NAA15: variants seen among roughly 807,000 people sequenced by gnomAD.
NAA15 encodes the protein N-terminal acetyltransferase.
Under a neutral mutation model 114.0 loss-of-function variants are expected in NAA15, and 34 were observed. That is an observed-to-expected ratio of 0.30 (90% CI 0.23 to 0.40). The LOEUF (loss-of-function observed/expected upper bound fraction) is 0.40, where lower values mean the gene tolerates loss of function less well. NAA15 is among the 10% of genes least tolerant of loss of function. NAA15 has a pLI of 1.00. For synonymous variants in NAA15, 340 were observed against 338.0 expected, an observed-to-expected ratio of 1.01 and a Z score of -0.06; for missense variants, 658 against 1,004.5, an observed-to-expected ratio of 0.66 and a Z score of 4.66.
intron 1 of NAA15, among the ~76,000 whole-genome samples, chr4:139,318,896 A>G (rs1746506541): frequency 6.6e-6 from 1 of 152,186 alleles, no homozygotes; most frequent in Non-Finnish European, 1.5e-5. Context: ...CAGCTAAAAG[A>G]ACAAAGCTGT....
chr4:139,359,942 C>G, intron 12 of NAA15, 47 bp downstream of exon 12: 1 of 1,496,202 alleles, frequency 6.7e-7, no homozygotes, highest in Non-Finnish European at 8.9e-7. Flanking sequence ...AGACATGAGC[C>G]AGTTCATACT....
intron 1 of NAA15, among the ~76,000 whole-genome samples, chr4:139,309,339 A>C (rs1746135488): frequency 6.6e-6 from 1 of 150,562 alleles, no homozygotes; most frequent in Non-Finnish European, 1.5e-5. Context: ...CAAGAGTGAA[A>C]CTTCGTCTCA....
intron 10 of NAA15, among the ~76,000 whole-genome samples, chr4:139,355,898 A>G (rs1207030705): frequency 6.6e-6 from 1 of 152,166 alleles, no homozygotes; most frequent in Non-Finnish European, 1.5e-5. Flanking sequence ...ATTATTCTTT[A>G]TTATTTTAAA....
At position 139,370,224 on chromosome 4, in the gene NAA15, C is replaced by G; in HGVS notation, c.1767C>G (p.Asp589Glu). The G allele has an allele frequency of 1.3e-6, 2 of 1,529,210 alleles. No homozygotes were observed. Among genetic ancestry groups the G allele is most frequent in the Non-Finnish European group, 1.7e-6 (2 of 1,144,738 alleles). The allele number at this position is 1,529,210 out of a possible 1,614,324, so 94.7% of individuals were successfully genotyped here. The stretch of plus-strand genomic sequence containing the variant: ...TATTGCCTGCAGCAAACATGTCTGA[C>G]AAAGAGCTAAAGAAGCTACGTAATA... ...EHEADTANMS[D>E]KELKKLRNKQ... Residue 589 changes from aspartate (D) to glutamate (E), a missense_variant, in exon 15 of 20, where the codon GAC (aspartate) becomes GAG (glutamate). Physicochemically the swap from Asp to Glu is conservative, Grantham distance 45. This residue lies in a region of NAA15 where 275 missense variants were observed against 371.1 expected (regional missense o/e 0.74). Coordinates refer to ENST00000296543, the MANE Select transcript of NAA15 (RefSeq NM_057175.5).
chr4:139,357,491 A>G lies in NAA15; in HGVS notation c.1193A>G (p.Asn398Ser). The change falls in exon 11 of 20, where the codon AAT (asparagine) becomes AGT (serine). Residue 398 changes from asparagine to serine, a missense_variant. Transcript: ENST00000296543. ...GQPSIALEYINTAIESTPTLI... is the reference protein window; with the variant it reads ...GQPSIALEYISTAIESTPTLI... The stretch of plus-strand genomic sequence containing the variant: ...CCATCTATTGCTTTGGAGTACATAA[A>G]TACTGCTATTGAAAGTACACCTACA... The G allele has an allele frequency of 1.2e-6, 2 of 1,612,842 alleles. No homozygotes were observed.
chr4:139,351,241 C>G lies in NAA15; in HGVS notation c.862C>G (p.Pro288Ala), dbSNP rs1444430217. ...TTATGAGGAAGCCTGGACTAAATATCCCAGGGGACTGGTGCCAAGAAGGCT... is the reference window on the plus strand; with the variant it reads ...TTATGAGGAAGCCTGGACTAAATATGCCAGGGGACTGGTGCCAAGAAGGCT... ...KIYEEAWTKY[P>A]RGLVPRRLPL... Residue 288 changes from proline to alanine, a missense_variant, in exon 8 of 20, where the codon CCC becomes GCC. Pro to Ala is a conservative substitution (Grantham distance 27). Around this residue, in one of 6 missense-constraint regions of NAA15, gnomAD observed 281 missense variants for 389.1 expected, o/e 0.72. Transcript: ENST00000296543. 1 of 1,609,852 alleles carries G rather than the reference C, an allele frequency of 6.2e-7. No homozygotes were observed. The highest frequency in any genetic ancestry group is 2.2e-5 in the East Asian group (1 of 44,766).
At chr4:139,344,371 T>A (rs1271004811) in intron 6 of NAA15, 32 bp downstream of exon 6, 1 of 1,568,332 alleles carries the variant, frequency 6.4e-7, no homozygotes, top group East Asian at 2.3e-5. Context: ...TTTATTCTAA[T>A]ATTGAAATAT....
At chr4:139,377,379 A>C (rs1414605526) in intron 16 of NAA15, among the ~76,000 whole-genome samples, 1 of 152,160 alleles carries the variant, frequency 6.6e-6, no homozygotes, top group Non-Finnish European at 1.5e-5. Context: ...TCTACTAAAA[A>C]TACAAAAAAT....
At chr4:139,304,178 G>A (rs1340335524) in intron 1 of NAA15, among the ~76,000 whole-genome samples, 1 of 152,232 alleles carries the variant, frequency 6.6e-6, no homozygotes, top group Non-Finnish European at 1.5e-5. Flanking sequence ...TCGGCCTTCC[G>A]AAGTGCTGCT....
chr4:139,388,789 A>C lies in NAA15; in HGVS notation c.*705A>C, dbSNP rs1018018397. ...GTTGTAACAGTCTCAATTTTAACTA[A>C]AACTTGAAGAACTAAAACAACAATG... On this transcript the variant is annotated 3_prime_UTR_variant, in exon 20 of 20. Coordinates refer to ENST00000296543, the MANE Select transcript of NAA15 (RefSeq NM_057175.5). 2.6e-5 allele frequency: 4 copies of C among 152,636 alleles called. No homozygotes were observed. The highest frequency in any genetic ancestry group is 5.9e-5 in the Non-Finnish European group (4 of 68,038). 9.5% of individuals were successfully genotyped at this position (152,636 alleles called of 1,614,324 possible).
In NAA15 at chr4:139,389,838, A is replaced by G. The variant is rs1579145969; in HGVS notation, c.*1754A>G. ...TCATAGTACATGACCTGCATTCCAC[A>G]TCTCAGTCTAACAGTTTAGTAGTGA... is the stretch of plus-strand genomic sequence containing the variant. On this transcript the variant is annotated 3_prime_UTR_variant, in exon 20 of 20. Transcript: ENST00000296543. The G allele has an allele frequency of 6.6e-6, 1 of 152,658 alleles. No homozygotes were observed. Among genetic ancestry groups the G allele is most frequent in the East Asian group, 1.9e-4 (1 of 5,202 alleles). 9.5% of individuals were successfully genotyped at this position (152,658 alleles called of 1,614,324 possible). A position where few individuals can be genotyped will look rare whatever the true frequency, so the allele number is the denominator to read the frequency against.
chr4:139,331,579 T>TG, intron 1 of NAA15, among the ~76,000 whole-genome samples: 1 of 151,480 alleles, frequency 6.6e-6, no homozygotes. Flanking sequence ...CCCAAGTAGC[T>TG]GGGATTACAG....
Position 139,357,413 on chromosome 4 carries a change from C to T in NAA15, c.1115C>T (p.Thr372Ile). The change falls in exon 11 of 20, where the codon ACA (threonine) becomes ATA (isoleucine). Residue 372 changes from threonine (T) to isoleucine (I), a missense_variant. Physicochemically the swap from Thr to Ile is moderately conservative, Grantham distance 89 (BLOSUM62 -1). Transcript: ENST00000296543. Reference sequence around the variant, plus strand: ...GATGGAAAGGAGGAACCACCAACCACATTACTTTGGGTCCAGTACTACTTG... The same window carrying T: ...GATGGAAAGGAGGAACCACCAACCATATTACTTTGGGTCCAGTACTACTTG... ...NDDGKEEPPT[T>I]LLWVQYYLAQ... 1 of 1,613,852 alleles carries T rather than the reference C, an allele frequency of 6.2e-7. No individual in the cohort carries two copies. The highest frequency in any genetic ancestry group is 8.5e-7 in the Non-Finnish European group (1 of 1,179,870).
intron 17 of NAA15, among the ~76,000 whole-genome samples, chr4:139,383,691 G>A (rs965344988): frequency 6.6e-6 from 1 of 152,100 alleles, no homozygotes; most frequent in African/African-American, 2.4e-5. Flanking sequence ...GGTTGGTCTC[G>A]AACTCCTGAC....
At chr4:139,320,740 C>T (rs1005301748) in intron 1 of NAA15, among the ~76,000 whole-genome samples, 5 of 152,148 alleles carry the variant, frequency 3.3e-5, no homozygotes, top group East Asian at 1.9e-4. Context: ...AGGCTGGTCT[C>T]GAACTCCTGA....
At chr4:139,316,407 G>A (rs1746412709) in intron 1 of NAA15, among the ~76,000 whole-genome samples, 1 of 151,096 alleles carries the variant, frequency 6.6e-6, no homozygotes, top group Non-Finnish European at 1.5e-5. Flanking sequence ...TTCTCTCTAG[G>A]GCATCTTTTG....
intron 1 of NAA15, among the ~76,000 whole-genome samples, chr4:139,311,558 A>G (rs1158923092): frequency 6.6e-6 from 1 of 151,958 alleles, no homozygotes; most frequent in Non-Finnish European, 1.5e-5. Flanking sequence ...ATAGCCTTTC[A>G]TCACAAAAGC....
Position 139,301,654 on chromosome 4 carries a change from C to A in NAA15, c.-124C>A, listed in dbSNP as rs1745748367. On this transcript the variant is annotated 5_prime_UTR_variant, in exon 1 of 20. Transcript: ENST00000296543. ...TAGGGCAACGCGGCGACACCCGAGG[C>A]CTGGTGGTGGCGGCGGATCGAGATA... 2 of 1,145,252 alleles carry A rather than the reference C, an allele frequency of 1.7e-6. No homozygotes were observed. Among genetic ancestry groups the A allele is most frequent in the South Asian group, 2.9e-5 (2 of 68,858 alleles). The allele number at this position is 1,145,252 out of a possible 1,614,324, so 70.9% of individuals were successfully genotyped here. A position where few individuals can be genotyped will look rare whatever the true frequency, so the allele number is the denominator to read the frequency against.
Position 139,357,396 on chromosome 4 carries a change from G to A in NAA15, c.1098G>A (p.Lys366=). 1 of 1,613,656 alleles carries A rather than the reference G, an allele frequency of 6.2e-7. No individual in the cohort carries two copies. Among genetic ancestry groups the A allele is most frequent in the South Asian group, 1.1e-5 (1 of 91,018 alleles). ...CCCTCTTCTCCTAAGATGATGGAAA[G>A]GAGGAACCACCAACCACATTACTTT... The part of the protein sequence containing the change: ...CRLFNPNDDG[K]EEPPTTLLWV... Residue 366 remains lysine (K), a synonymous_variant, in exon 11 of 20, where the codon AAG becomes AAA. Transcript: ENST00000296543.
Sources: allele counts gnomAD v4.1 joint callset (sites outside exome capture counted in the v4.1 genomes callset), GRCh38; gene constraint gnomAD v4.1.1; regional missense constraint gnomAD v4.1.1; transcripts MANE v1.5; gene names NCBI Gene and HGNC (gene_info 2026-07-23, HGNC 2026-07-21).